LPGAT1: variants seen among roughly 807,000 people sequenced by gnomAD.
The protein encoded by LPGAT1 is lysophosphatidylglycerol acyltransferase 1.
In LPGAT1, 11 loss-of-function variants were observed where a neutral mutation model predicts 47.5. The ratio of observed to expected loss-of-function variants is 0.23; its 90% CI spans 0.15 to 0.38. The LOEUF is 0.38. Among genes scored for constraint, LPGAT1 ranks in the 10% least tolerant of loss-of-function variants. The pLI is 1.00. For synonymous variants in LPGAT1, 138 were observed against 144.2 expected (o/e 0.96, Z 0.31); for missense variants, 293 against 439.0 (o/e 0.67, Z 2.97).
Position 211,814,198 on chromosome 1 carries a change from T to C in LPGAT1, c.238+14861A>G, listed in dbSNP as rs74796707. 1.6e-4 allele frequency among the ~76,000 whole-genome samples: 24 copies of C among 152,370 alleles called. No individual in the cohort carries two copies. In the East Asian group the frequency reaches 4.0e-3, roughly 26 times the overall value. ...CCACAGATGGTACTTAATATGCGTATGGATTCCTGACCCCCTGAGATAACT... is the reference window on the plus strand; with the variant it reads ...CCACAGATGGTACTTAATATGCGTACGGATTCCTGACCCCCTGAGATAACT... On this transcript the variant is annotated intron_variant, in intron 2 of 7. Coordinates refer to ENST00000366997, the MANE Select transcript of LPGAT1 (RefSeq NM_014873.3).
rs142619502 is a variant in LPGAT1, at chr1:211,778,979, T to C, written c.793A>G (p.Ile265Val). The C allele has an allele frequency of 5.8e-5, 94 of 1,610,606 alleles. No homozygotes were observed. The African/African-American group carries it at 9.8e-4, about 17-fold the overall frequency. The change falls in exon 6 of 8, where the codon ATA becomes GTA. Residue 265 changes from isoleucine (I) to valine (V), a missense_variant. By Grantham distance (29) the Ile-to-Val change is conservative (BLOSUM62 3). Coordinates refer to ENST00000366997, the MANE Select transcript of LPGAT1 (RefSeq NM_014873.3). The part of the protein sequence containing the change: ...TTIAYPKAEP[I>V]DIQTWILGYR... ...CCAAGGATCCAGGTTTGAATATCTATAGGTTCAGCTTTGGGATAAGCTATC... is the reference window on the plus strand; with the variant it reads ...CCAAGGATCCAGGTTTGAATATCTACAGGTTCAGCTTTGGGATAAGCTATC...
At chr1:211,800,956 G>A (rs752315754) in intron 2 of LPGAT1, among the ~76,000 whole-genome samples, 2 of 152,180 alleles carry the variant, frequency 1.3e-5, no homozygotes, top group African/African-American at 2.4e-5. Context: ...CACCTCAAGA[G>A]GAAAGACCTA....
intron 2 of LPGAT1, 68 bp downstream of exon 2, chr1:211,828,991 T>C (rs541951443): frequency 9.9e-6 from 15 of 1,521,530 alleles, no homozygotes; most frequent in Non-Finnish European, 1.4e-5. Context: ...CAAAGTGTAA[T>C]ATACATTTAA....
chr1:211,798,709 A>C (rs1659448460), intron 2 of LPGAT1, among the ~76,000 whole-genome samples: 1 of 152,178 alleles, frequency 6.6e-6, no homozygotes, highest in South Asian at 2.1e-4. Context: ...ACAACAACAA[A>C]AAACAAATAA....
At chr1:211,806,817 C>T (rs1009679166) in intron 2 of LPGAT1, among the ~76,000 whole-genome samples, 5 of 152,024 alleles carry the variant, frequency 3.3e-5, no homozygotes, top group East Asian at 1.9e-4. Flanking sequence ...AAGTTTTAAA[C>T]GTAAAACCTA....
chr1:211,778,795 G>T, intron 6 of LPGAT1, 123 bp downstream of exon 6: 1 of 682,772 alleles, frequency 1.5e-6, no homozygotes, highest in Non-Finnish European at 2.2e-6. Flanking sequence ...TAAAAATGCA[G>T]CATAAGAATG....
intron 6 of LPGAT1, among the ~76,000 whole-genome samples, chr1:211,757,164 G>C (rs1378691573): frequency 6.6e-6 from 1 of 151,598 alleles, no homozygotes; most frequent in Admixed American, 6.6e-5. Flanking sequence ...GGCTGAGGCA[G>C]AATAGCTTGA....
At position 211,776,795 on chromosome 1, in the gene LPGAT1, G is replaced by A. The variant is rs143443656; in HGVS notation, c.854+2123C>T. Among the ~76,000 whole-genome samples the A allele has an allele frequency of 2.5e-3, 371 of 149,648 alleles. 3 individuals are homozygous for A. Among genetic ancestry groups the A allele is most frequent in the African/African-American group, 8.4e-3 (344 of 40,826 alleles). On this transcript the variant is annotated intron_variant, in intron 6 of 7. Coordinates refer to ENST00000366997, the MANE Select transcript of LPGAT1 (RefSeq NM_014873.3). ...GAATAGTTTTTCAAATCTCCCCATA[G>A]GTGAAGATAAGGAAGCCAACACGAA...
At chr1:211,777,452 C>T (rs115977815) in intron 6 of LPGAT1, among the ~76,000 whole-genome samples, 3,592 of 152,066 alleles carry the variant, frequency 0.024, 64 homozygotes, top group Non-Finnish European at 0.03. Context: ...CATAGTAAGG[C>T]TAAAAGGCCT....
intron 2 of LPGAT1, among the ~76,000 whole-genome samples, chr1:211,797,138 C>T (rs1659382788): frequency 6.6e-6 from 1 of 152,084 alleles, no homozygotes; most frequent in Non-Finnish European, 1.5e-5. Context: ...TGTCCGCAAT[C>T]CCAGCTACTT....
intron 6 of LPGAT1, among the ~76,000 whole-genome samples, chr1:211,778,525 G>C (rs1490780106): frequency 2.0e-5 from 3 of 152,018 alleles, no homozygotes; most frequent in Non-Finnish European, 4.4e-5. Flanking sequence ...TCACTTTACA[G>C]ACTCGCCCTG....
At chr1:211,805,472 G>A (rs1558277724) in intron 2 of LPGAT1, among the ~76,000 whole-genome samples, 1 of 152,134 alleles carries the variant, frequency 6.6e-6, no homozygotes, top group African/African-American at 2.4e-5. Context: ...CCATCATAAA[G>A]TCAAAAAATT....
intron 2 of LPGAT1, among the ~76,000 whole-genome samples, chr1:211,821,188 G>A (rs372254488): frequency 1.2e-4 from 19 of 152,176 alleles, no homozygotes; most frequent in Middle Eastern, 3.4e-3. Context: ...CCCAGGAGGC[G>A]GAGGTTGCAG....
intron 6 of LPGAT1, among the ~76,000 whole-genome samples, chr1:211,773,213 A>G (rs1658251102): frequency 1.3e-5 from 2 of 152,152 alleles, no homozygotes; most frequent in Admixed American, 1.3e-4. Flanking sequence ...CTTTTCCCAT[A>G]TCGGTGTCAA....
chr1:211,791,746 C>CAA (rs1195989474), intron 3 of LPGAT1, among the ~76,000 whole-genome samples: 2 of 36,400 alleles, frequency 5.5e-5, no homozygotes, highest in South Asian at 7.1e-4. Context: ...GACTCCATCT[C>CAA]AAAAAAAAAA....
intron 6 of LPGAT1, among the ~76,000 whole-genome samples, chr1:211,761,663 T>G (rs1657703889): frequency 6.6e-6 from 1 of 152,236 alleles, no homozygotes; most frequent in African/African-American, 2.4e-5. Context: ...AAAGTCTGTT[T>G]GAATTGGACT....
intron 2 of LPGAT1, among the ~76,000 whole-genome samples, chr1:211,815,983 G>A (rs539296957): frequency 5.3e-5 from 8 of 151,630 alleles, no homozygotes; most frequent in East Asian, 1.9e-4. Context: ...GGGTTTCACC[G>A]TGTTAGCCAG....
chr1:211,768,686 A>C (rs571092729), intron 6 of LPGAT1, among the ~76,000 whole-genome samples: 6 of 152,362 alleles, frequency 3.9e-5, no homozygotes, highest in African/African-American at 1.2e-4. Flanking sequence ...GTGTGACATT[A>C]TCTCTATGAA....
chr1:211,793,308 G>C (rs1020675588), intron 2 of LPGAT1, 118 bp from the exon 3 acceptor site: 1 of 564,550 alleles, frequency 1.8e-6, no homozygotes. Flanking sequence ...TAAAACATCC[G>C]AAAGTTTAGA....
Sources: gnomAD v4.1 joint callset for allele counts (sites outside exome capture counted in the v4.1 genomes callset) on GRCh38, gnomAD v4.1.1 for gene constraint, MANE v1.5 for transcripts, NCBI Gene and HGNC (gene_info 2026-07-23, HGNC 2026-07-21) for gene names.